BIRC6: variants seen among roughly 807,000 people sequenced by gnomAD.
BIRC6 encodes baculoviral IAP repeat containing 6.
Under a neutral mutation model 503.3 loss-of-function variants are expected in BIRC6, and 98 were observed. The observed-to-expected ratio is 0.19, with a 90% CI of 0.17 to 0.23. The LOEUF is 0.23. Among genes scored for constraint, BIRC6 ranks in the 10% least tolerant of loss-of-function variants. BIRC6 has a pLI of 1.00. For synonymous variants in BIRC6, 2,240 were observed against 2,078.7 expected (o/e 1.08, Z -2.11); for missense variants, 5,360 against 5,806.0 (o/e 0.92, Z 2.50).
chr2:32,400,306 T>A (rs1004619584), intron 6 of BIRC6, among the ~76,000 whole-genome samples: 2 of 151,636 alleles, frequency 1.3e-5, no homozygotes, highest in African/African-American at 4.8e-5. Context: ...TATTATTTTA[T>A]TCATACTAGA....
At chr2:32,540,611 CTTAATA>C (rs759301247) in intron 61 of BIRC6, among the ~76,000 whole-genome samples, 122 of 152,154 alleles carry the variant, frequency 8.0e-4, no homozygotes, top group Non-Finnish European at 1.6e-3. Context: ...ATTAAATCCA[CTTAATA>C]TTAATACCCT....
intron 61 of BIRC6, among the ~76,000 whole-genome samples, chr2:32,542,578 T>C (rs1200672254): frequency 6.6e-6 from 1 of 152,158 alleles, no homozygotes; most frequent in East Asian, 1.9e-4. Flanking sequence ...ATTAGAAAGT[T>C]CTCCTTTTCT....
chr2:32,547,822 A>T (rs1260757454), intron 63 of BIRC6, 28 bp from the exon 64 acceptor site: 2 of 1,515,024 alleles, frequency 1.3e-6, no homozygotes, highest in Non-Finnish European at 1.8e-6. Context: ...ACAAATTGTA[A>T]TGGATTTTCA....
chr2:32,357,330 G>C lies in BIRC6; in HGVS notation c.169G>C (p.Val57Leu). The C allele has an allele frequency of 6.5e-7, 1 of 1,540,754 alleles. No individual in the cohort carries two copies. Among genetic ancestry groups the C allele is most frequent in the Non-Finnish European group, 8.7e-7 (1 of 1,144,894 alleles). ...GGCGGCCGGGGTCTCAGAGTGGCTG[G>C]TGCTGCGGGACGGCTGCATGCACTG... ...AGAAGVSEWLVLRDGCMHCDA... is the reference protein window; with the variant it reads ...AGAAGVSEWLLLRDGCMHCDA... The change falls in exon 1 of 74, where the codon GTG (valine) becomes CTG (leucine). Residue 57 changes from valine (V) to leucine (L), a missense_variant. Coordinates refer to ENST00000421745, the MANE Select transcript of BIRC6 (RefSeq NM_016252.4). The surrounding 1 kb of genome is among the most constrained non-coding windows in gnomAD (Gnocchi z 4.9).
chr2:32,395,454 T>C, intron 5 of BIRC6, 57 bp from the exon 6 acceptor site: 1 of 1,291,284 alleles, frequency 7.7e-7, no homozygotes, highest in Non-Finnish European at 1.1e-6. Flanking sequence ...ACTTTTATTA[T>C]AAAGCTATTT....
chr2:32,509,706 T>C (rs764521349), intron 51 of BIRC6, 32 bp from the exon 52 acceptor site: 35 of 1,612,592 alleles, frequency 2.2e-5, no homozygotes, highest in East Asian at 1.6e-4. Context: ...GAGCGACTTA[T>C]ATTGATCATA....
At chr2:32,358,028 G>C (rs1431169541) in intron 1 of BIRC6, among the ~76,000 whole-genome samples, 2 of 84,240 alleles carry the variant, frequency 2.4e-5, no homozygotes, top group East Asian at 4.5e-4. Flanking sequence ...GCCCAGCGTG[G>C]GGGTGGGGGT....
rs1415833098 is a variant in BIRC6 at position 32,510,734 on chromosome 2, CAA to C, written c.10346+101_10346+102del. 7 of 799,534 alleles carry C rather than the reference CAA, an allele frequency of 8.8e-6. No homozygotes were observed. In the African/African-American group the frequency reaches 1.2e-4, roughly 14 times the overall value. The allele number at this position is 799,534 out of a possible 1,614,324, so 49.5% of individuals were successfully genotyped here. On this transcript the variant is annotated intron_variant, in intron 53 of 73. Transcript: ENST00000421745. ...TTTCCTTAGATGATCTCATAAAAGACAATACTGTGATATATTGTATGTTTACC... is the reference window on the plus strand; with the variant it reads ...TTTCCTTAGATGATCTCATAAAAGACTACTGTGATATATTGTATGTTTACC...
intron 66 of BIRC6, among the ~76,000 whole-genome samples, chr2:32,586,729 C>T (rs920293325): frequency 2.6e-5 from 4 of 152,044 alleles, no homozygotes; most frequent in African/African-American, 2.4e-5. Flanking sequence ...AAAATCTCAA[C>T]CAGTCTTAAT....
intron 46 of BIRC6, among the ~76,000 whole-genome samples, chr2:32,500,606 G>GT (rs758919928): frequency 0.37 from 44,236 of 118,108 alleles, 9,135 homozygotes; most frequent in East Asian, 0.73. Flanking sequence ...TTTTGTTTTT[G>GT]TTTTTTTTTT....
intron 3 of BIRC6, among the ~76,000 whole-genome samples, chr2:32,381,624 C>T (rs1573800629): frequency 6.6e-6 from 1 of 150,770 alleles, no homozygotes; most frequent in South Asian, 2.1e-4. Flanking sequence ...TATCTCACTG[C>T]AACCTCCGCC....
intron 66 of BIRC6, among the ~76,000 whole-genome samples, chr2:32,584,769 A>C (rs1473739620): frequency 6.6e-6 from 1 of 152,222 alleles, no homozygotes; most frequent in East Asian, 1.9e-4. Context: ...TATTTCCTCT[A>C]CTTGCCTACT....
Position 32,451,010 on chromosome 2 carries a change from A to G in BIRC6, c.4618+2082A>G, listed in dbSNP as rs139680114. ...CCCACAGATACAGAGAGCTGAGTGT[A>G]TGTCAAGTTTGCTCACTCTGTTACC... On this transcript the variant is annotated intron_variant, in intron 22 of 73. Transcript: ENST00000421745. Among the ~76,000 whole-genome samples the G allele has an allele frequency of 5.5e-3, 833 of 152,288 alleles. 3 individuals carry two copies. Among genetic ancestry groups the G allele is most frequent in the Admixed American group, 9.2e-3 (141 of 15,304 alleles).
At chr2:32,481,598 C>T in intron 38 of BIRC6, 145 bp downstream of exon 38, 1 of 609,500 alleles carries the variant, frequency 1.6e-6, no homozygotes, top group Non-Finnish European at 2.5e-6. Flanking sequence ...AATCCCGTCT[C>T]TACTAAAAAT....
chr2:32,454,297 G>A (rs2047009310), intron 23 of BIRC6, among the ~76,000 whole-genome samples: 1 of 152,134 alleles, frequency 6.6e-6, no homozygotes, highest in Non-Finnish European at 1.5e-5. Flanking sequence ...TGAGAAGGTT[G>A]AGATGAGTAA....
Position 32,357,092 on chromosome 2 carries a change from A to G in BIRC6, c.-70A>G. On this transcript the variant is annotated 5_prime_UTR_variant, in exon 1 of 74. Transcript: ENST00000421745. This position sits in a 1 kb window ranked among gnomAD's most constrained non-coding sequence, Gnocchi z 4.9. ...TTTGGCCCCTCCGGCCGGGCGATCG[A>G]CGTTCCGCGTGCGTGCGGGCGCCTG... 3.8e-6 allele frequency: 5 copies of G among 1,320,020 alleles called. No individual in the cohort carries two copies. Among genetic ancestry groups the G allele is most frequent in the Non-Finnish European group, 4.0e-6 (4 of 1,009,058 alleles). 81.8% of individuals were successfully genotyped at this position (1,320,020 alleles called of 1,614,324 possible).
At chr2:32,363,672 A>T (rs1417848581) in intron 1 of BIRC6, among the ~76,000 whole-genome samples, 2 of 152,108 alleles carry the variant, frequency 1.3e-5, no homozygotes, top group East Asian at 3.9e-4. Flanking sequence ...CTGAATTTTG[A>T]ATTTTAGTTC....
chr2:32,526,188 C>T (rs995286178), intron 59 of BIRC6, among the ~76,000 whole-genome samples: 28 of 152,300 alleles, frequency 1.8e-4, no homozygotes, highest in African/African-American at 6.3e-4. Flanking sequence ...AACACAGGCA[C>T]ACAACACAGT....
chr2:32,391,911 A>G (rs1038338334), intron 4 of BIRC6, 128 bp from the exon 5 acceptor site: 3 of 595,032 alleles, frequency 5.0e-6, no homozygotes, highest in Non-Finnish European at 8.4e-6. Flanking sequence ...TAAAAAATTG[A>G]ACTTGTTCAT....
Sources: gnomAD v4.1 joint callset for allele counts (sites outside exome capture counted in the v4.1 genomes callset) on GRCh38, gnomAD v4.1.1 for gene constraint, Gnocchi (gnomAD v3.1) non-coding constraint, MANE v1.5 for transcripts, NCBI Gene and HGNC (gene_info 2026-07-23, HGNC 2026-07-21) for gene names.